The following RBFOX1 variants were observed in gnomAD, a reference collection of about 807,000 sequenced individuals.
RBFOX1 encodes RNA binding fox-1 homolog 1.
RBFOX1 carries 8 observed loss-of-function variants against 57.7 expected under a neutral mutation model. The ratio of observed to expected loss-of-function variants is 0.14; its 90% CI spans 0.08 to 0.25. RBFOX1 has a LOEUF of 0.25. RBFOX1 is among the 10% of genes least tolerant of loss of function. The pLI, the probability that RBFOX1 is intolerant of heterozygous loss-of-function variation, is 1.00. For synonymous variants in RBFOX1, 326 were observed against 222.4 expected, an observed-to-expected ratio of 1.47 and a Z score of -4.15; for missense variants, 611 against 548.5, an observed-to-expected ratio of 1.11 and a Z score of -1.14.
At chr16:7,237,770 G>T (rs2093843954) in intron 4 of RBFOX1, among the ~76,000 whole-genome samples, 2 of 152,198 alleles carry the variant, frequency 1.3e-5, no homozygotes, top group South Asian at 4.1e-4. Context: ...CTTTGGGAGG[G>T]TGAGGCGGAC....
At chr16:6,283,403 A>G (rs1314630025) in intron 1 of RBFOX1, among the ~76,000 whole-genome samples, 1 of 152,170 alleles carries the variant, frequency 6.6e-6, no homozygotes, top group African/African-American at 2.4e-5. Context: ...TGAATGGGCT[A>G]AATTTTTATT....
intron 3 of RBFOX1, among the ~76,000 whole-genome samples, chr16:5,858,158 A>G (rs556287939): frequency 6.6e-6 from 1 of 152,214 alleles, no homozygotes; most frequent in East Asian, 1.9e-4. Flanking sequence ...CCTTGCACCT[A>G]GCCGCAGAAA....
chr16:7,618,110 G>C (rs2058750505), intron 10 of RBFOX1, among the ~76,000 whole-genome samples: 1 of 152,174 alleles, frequency 6.6e-6, no homozygotes, highest in African/African-American at 2.4e-5. Context: ...TTGATCTGTT[G>C]AGATTAGAGA....
At chr16:6,392,361 A>G (rs1221619065) in intron 2 of RBFOX1, among the ~76,000 whole-genome samples, 1 of 152,242 alleles carries the variant, frequency 6.6e-6, no homozygotes, top group East Asian at 1.9e-4. Context: ...CCTGGACCAT[A>G]GAGTACCTTA....
At chr16:6,052,506 C>G (rs1006500887) in intron 1 of RBFOX1, among the ~76,000 whole-genome samples, 1 of 151,976 alleles carries the variant, frequency 6.6e-6, no homozygotes, top group East Asian at 1.9e-4. Context: ...ATGCCTAGGC[C>G]GGGCGCGGTG....
chr16:6,075,010 C>T (rs1000677338), intron 1 of RBFOX1, among the ~76,000 whole-genome samples: 1 of 152,102 alleles, frequency 6.6e-6, no homozygotes, highest in East Asian at 1.9e-4. Flanking sequence ...TGTCAGTGCC[C>T]ACCCTGAATA....
intron 3 of RBFOX1, among the ~76,000 whole-genome samples, chr16:5,676,875 G>C (rs80144454): frequency 6.6e-6 from 1 of 151,814 alleles, no homozygotes; most frequent in Non-Finnish European, 1.5e-5. Context: ...AAAAAAAAGT[G>C]CTCAGAACAG....
intron 3 of RBFOX1, among the ~76,000 whole-genome samples, chr16:6,854,295 T>G (rs923329500): frequency 2.0e-5 from 3 of 152,160 alleles, no homozygotes; most frequent in African/African-American, 7.2e-5. Flanking sequence ...AGATGGAGGA[T>G]CAATATGACT....
intron 3 of RBFOX1, among the ~76,000 whole-genome samples, chr16:6,963,415 T>C (rs544671837): frequency 2.0e-5 from 3 of 152,310 alleles, no homozygotes; most frequent in African/African-American, 7.2e-5. Flanking sequence ...AAATGTGTTG[T>C]TGGACTTCTA....
chr16:6,916,852 G>GT (rs1205614958), intron 3 of RBFOX1, among the ~76,000 whole-genome samples: 3 of 152,032 alleles, frequency 2.0e-5, no homozygotes, highest in Admixed American at 6.6e-5. Context: ...GTTTGTTTTT[G>GT]TTTTTTTGTG....
At chr16:7,633,454 A>G (rs562639633) in intron 11 of RBFOX1, among the ~76,000 whole-genome samples, 43 of 152,156 alleles carry the variant, frequency 2.8e-4, no homozygotes, top group Non-Finnish European at 5.1e-4. Flanking sequence ...GTATTGTTTC[A>G]TTATATTATA....
At chr16:7,105,694 CTA>C in intron 4 of RBFOX1, among the ~76,000 whole-genome samples, 1 of 151,904 alleles carries the variant, frequency 6.6e-6, no homozygotes, top group Non-Finnish European at 1.5e-5. Flanking sequence ...GTCTATCTCT[CTA>C]TATATATCTA....
chr16:5,852,138 T>C (rs1484078049), intron 3 of RBFOX1, among the ~76,000 whole-genome samples: 3 of 152,164 alleles, frequency 2.0e-5, no homozygotes, highest in South Asian at 2.1e-4. Context: ...ACCGGGTTTT[T>C]CCCCCTCTTA....
chr16:6,504,281 A>T (rs538192739), intron 2 of RBFOX1, among the ~76,000 whole-genome samples: 1 of 152,122 alleles, frequency 6.6e-6, no homozygotes, highest in Non-Finnish European at 1.5e-5. Flanking sequence ...TTGGGAATCT[A>T]TTTGCTTTGG....
intron 4 of RBFOX1, among the ~76,000 whole-genome samples, chr16:7,409,366 G>A (rs758121719): frequency 3.9e-5 from 6 of 152,202 alleles, no homozygotes; most frequent in Non-Finnish European, 8.8e-5. Flanking sequence ...CCACATGCCT[G>A]TTTTATTCAT....
chr16:7,462,388 A>G (rs1360862591), intron 4 of RBFOX1, among the ~76,000 whole-genome samples: 1 of 152,194 alleles, frequency 6.6e-6, no homozygotes, highest in Non-Finnish European at 1.5e-5. Flanking sequence ...CCAGCTACTC[A>G]GGGGGCTGAG....
chr16:5,432,559 G>GTTTTTTTTTTTTTTTTTTTTTTTT (rs35344614), intron 1 of RBFOX1, among the ~76,000 whole-genome samples: 8 of 94,218 alleles, frequency 8.5e-5, no homozygotes, highest in African/African-American at 1.2e-4. Context: ...TTGTTTGTTT[G>GTTTTTTTTTTTTTTTTTTTTTTTT]TTTTTTTTTT....
At chr16:5,692,731 T>C (rs1458923776) in intron 3 of RBFOX1, among the ~76,000 whole-genome samples, 1 of 151,982 alleles carries the variant, frequency 6.6e-6, no homozygotes, top group African/African-American at 2.4e-5. Context: ...TGTTGAGAAT[T>C]CAAGCCAGCA....
intron 5 of RBFOX1, among the ~76,000 whole-genome samples, chr16:7,540,643 G>A (rs1357973929): frequency 2.0e-5 from 3 of 152,112 alleles, no homozygotes. Flanking sequence ...CCGTAAACCT[G>A]CTCATGATAG....
Sources: allele counts gnomAD v4.1 joint callset (sites outside exome capture counted in the v4.1 genomes callset), GRCh38; gene constraint gnomAD v4.1.1; transcripts MANE v1.5; gene names NCBI Gene and HGNC (gene_info 2026-07-23, HGNC 2026-07-21).